The following USP13 variants were observed in gnomAD, a reference collection of about 807,000 sequenced individuals.
USP13 encodes the protein ubiquitin carboxyl-terminal hydrolase 13.
USP13 carries 68 observed loss-of-function variants against 107.8 expected under a neutral mutation model. That is an observed-to-expected ratio of 0.63 (90% confidence interval 0.52 to 0.77). USP13 has a LOEUF of 0.77. Among genes scored for constraint, USP13 ranks in the 30% least tolerant of loss-of-function variants. The pLI, the probability that USP13 is intolerant of heterozygous loss-of-function variation, is 0.00. For synonymous variants in USP13, 377 were observed against 389.5 expected (o/e 0.97, Z 0.38); for missense variants, 945 against 1,093.3 (o/e 0.86, Z 1.91).
At chr3:179,774,698 G>A (rs571900654) in intron 19 of USP13, among the ~76,000 whole-genome samples, 2 of 152,328 alleles carry the variant, frequency 1.3e-5, no homozygotes, top group East Asian at 3.9e-4. Context: ...ACCTTCCACA[G>A]TTTGGAAGGG....
chr3:179,698,495 T>G (rs866984023), intron 3 of USP13, among the ~76,000 whole-genome samples: 17 of 148,408 alleles, frequency 1.1e-4, no homozygotes, highest in African/African-American at 3.7e-4. Flanking sequence ...CAGAGTGGGG[T>G]TTTTTTTTTT....
At chr3:179,718,302 G>GT (rs1354348389) in intron 6 of USP13, among the ~76,000 whole-genome samples, 7 of 98,258 alleles carry the variant, frequency 7.1e-5, no homozygotes, top group East Asian at 2.7e-4. Flanking sequence ...TTTTTTTCCT[G>GT]TTTTTTGGAG....
At position 179,708,975 on chromosome 3, in the gene USP13, G is replaced by A. The variant is rs116825827; in HGVS notation, c.805+18G>A. 363 of 1,609,316 alleles carry A rather than the reference G, an allele frequency of 2.3e-4. 1 individual carries two copies. In the African/African-American group the frequency reaches 4.0e-3, roughly 18 times the overall value. On this transcript the variant is annotated intron_variant, in intron 6 of 20. Coordinates refer to ENST00000263966, the MANE Select transcript of USP13 (RefSeq NM_003940.3). ...CGGGGCAGGTGAGTGCGCCTTTACC[G>A]ACTTTGGGAACATGCAGTGGCTTCC...
Position 179,773,669 on chromosome 3 carries a change from T to A in USP13, c.2413+7821T>A, listed in dbSNP as rs149912021. ...GAGAGAATCAGTCAGATGTTACTAC[T>A]GGTTTAAAAACATTTGTGGAACTAG... is the stretch of plus-strand genomic sequence containing the variant. On this transcript the variant is annotated intron_variant, in intron 19 of 20. Coordinates refer to ENST00000263966, the MANE Select transcript of USP13 (RefSeq NM_003940.3). Among the ~76,000 whole-genome samples, 797 of 152,334 alleles carry A rather than the reference T, an allele frequency of 5.2e-3. 7 individuals carry two copies. Among genetic ancestry groups the A allele is most frequent in the African/African-American group, 0.018 (764 of 41,578 alleles).
chr3:179,742,239 T>G lies in USP13; in HGVS notation c.1423T>G (p.Phe475Val), dbSNP rs1352231884. ...AGAAAACCCAAGCGATGTTTTTCGT[T>G]TTTTGGTGGAAGAACGCATTCAGTG... Reference protein sequence around the residue: ...GSENPSDVFRFLVEERIQCCQ... With the variant: ...GSENPSDVFRVLVEERIQCCQ... The change falls in exon 12 of 21, where the codon TTT becomes GTT. Residue 475 changes from phenylalanine (F) to valine (V), a missense_variant. Coordinates refer to ENST00000263966, the MANE Select transcript of USP13 (RefSeq NM_003940.3). The surrounding 1 kb of genome is among the most constrained non-coding windows in gnomAD (Gnocchi z 5.0). 3 of 1,614,192 alleles carry G rather than the reference T, an allele frequency of 1.9e-6. No homozygotes were observed. In the South Asian group the frequency reaches 3.3e-5, roughly 18 times the overall value.
intron 1 of USP13, among the ~76,000 whole-genome samples, chr3:179,670,006 C>CCT (rs151006252): frequency 0.078 from 11,830 of 152,226 alleles, 996 homozygotes; most frequent in African/African-American, 0.2. Flanking sequence ...GCCCTCTCCT[C>CCT]CTGTACTGTC....
chr3:179,778,959 G>T (rs1715647047), intron 19 of USP13, among the ~76,000 whole-genome samples: 1 of 151,352 alleles, frequency 6.6e-6, no homozygotes, highest in Non-Finnish European at 1.5e-5. Flanking sequence ...ATGAAGTGAT[G>T]AGTGAGTCAC....
intron 8 of USP13, among the ~76,000 whole-genome samples, chr3:179,728,930 CAGAGGGAGACCGTGGAGAGAGGG>C (rs761265737): frequency 4.7e-5 from 7 of 148,210 alleles, no homozygotes; most frequent in African/African-American, 7.3e-5. Context: ...AGCTCGGCAT[CAGAGGGAGACCGTGGAGAGAGGG>C]AGAGGGAGAC....
chr3:179,728,471 G>A lies in USP13; in HGVS notation c.1089-1718G>A, dbSNP rs1339908511. Among the ~76,000 whole-genome samples, 12 of 150,192 alleles carry A rather than the reference G, an allele frequency of 8.0e-5. No homozygotes were observed. In the East Asian group the frequency reaches 8.1e-4, roughly 10 times the overall value. On this transcript the variant is annotated intron_variant, in intron 8 of 20. Coordinates refer to ENST00000263966, the MANE Select transcript of USP13 (RefSeq NM_003940.3). ...TCACTTCCTAGATGGGATGGCGGCC[G>A]GGCAGAGACGCTCCTCACTTTCCAG...
intron 6 of USP13, among the ~76,000 whole-genome samples, chr3:179,715,428 G>A (rs1437896914): frequency 6.8e-5 from 10 of 147,436 alleles, no homozygotes; most frequent in African/African-American, 2.5e-4. Flanking sequence ...GCAATGGTGT[G>A]ATCTCAGCTC....
chr3:179,719,520 T>TACCCCCGGAGG (rs1405884600), intron 6 of USP13, among the ~76,000 whole-genome samples: 4 of 151,992 alleles, frequency 2.6e-5, no homozygotes, highest in Non-Finnish European at 5.9e-5. Flanking sequence ...GTTCTCTCTG[T>TACCCCCGGAGG]TCCCCCGGAG....
intron 1 of USP13, among the ~76,000 whole-genome samples, chr3:179,654,513 C>T (rs1322307560): frequency 1.3e-5 from 2 of 152,122 alleles, no homozygotes; most frequent in African/African-American, 4.8e-5. Context: ...GTGAATGTCC[C>T]TTTCAAAAGT....
intron 16 of USP13, among the ~76,000 whole-genome samples, chr3:179,757,479 A>G (rs1714846922): frequency 6.6e-6 from 1 of 152,202 alleles, no homozygotes; most frequent in Non-Finnish European, 1.5e-5. Context: ...CATAATGAAG[A>G]CACATAGCTG....
intron 3 of USP13, among the ~76,000 whole-genome samples, chr3:179,699,346 A>G (rs1351416531): frequency 6.6e-6 from 1 of 152,150 alleles, no homozygotes; most frequent in Admixed American, 6.5e-5. Flanking sequence ...CCTCACTTCT[A>G]TTGCTACCTA....
intron 15 of USP13, 87 bp from the exon 16 acceptor site, chr3:179,756,964 GA>G: frequency 6.9e-7 from 1 of 1,438,920 alleles, no homozygotes; most frequent in Non-Finnish European, 9.7e-7. Flanking sequence ...GAGGGCATTG[GA>G]AATGCCCTGG....
chr3:179,783,419 G>C (rs1468166798), intron 20 of USP13, among the ~76,000 whole-genome samples: 2 of 152,112 alleles, frequency 1.3e-5, no homozygotes, highest in Non-Finnish European at 2.9e-5. Context: ...TTTTTAACCA[G>C]TAATTTCCCA....
At chr3:179,699,449 C>T (rs958251667) in intron 3 of USP13, among the ~76,000 whole-genome samples, 9 of 152,064 alleles carry the variant, frequency 5.9e-5, no homozygotes, top group African/African-American at 1.9e-4. Flanking sequence ...TGGTGATTCA[C>T]GCCTTTAATC....
chr3:179,765,968 A>G (rs1462565942), intron 19 of USP13, 120 bp downstream of exon 19: 4 of 1,077,138 alleles, frequency 3.7e-6, no homozygotes, highest in Non-Finnish European at 2.5e-6. Flanking sequence ...CACAGATCCC[A>G]TCTTCTTCGT....
intron 3 of USP13, among the ~76,000 whole-genome samples, chr3:179,696,597 G>T (rs1269327945): frequency 6.6e-6 from 1 of 152,146 alleles, no homozygotes; most frequent in Non-Finnish European, 1.5e-5. Flanking sequence ...CTCCTAAAGT[G>T]CTGGGATTAC....
Sources: allele counts gnomAD v4.1 joint callset (sites outside exome capture counted in the v4.1 genomes callset), GRCh38; gene constraint gnomAD v4.1.1; non-coding constraint Gnocchi (gnomAD v3.1); transcripts MANE v1.5; gene names NCBI Gene and HGNC (gene_info 2026-07-23, HGNC 2026-07-21).